Variants in CDH22 observed in about 807,000 individuals in gnomAD.
CDH22 encodes the protein cadherin 22, also known as cadherin-22.
Under a neutral mutation model 58.4 loss-of-function variants are expected in CDH22, and 30 were observed. The ratio of observed to expected loss-of-function variants is 0.51; its 90% CI spans 0.38 to 0.70. The LOEUF (loss-of-function observed/expected upper bound fraction) is 0.70, where lower values mean the gene tolerates loss of function less well. CDH22 is among the 30% of genes least tolerant of loss of function. The pLI, the probability that CDH22 is intolerant of heterozygous loss-of-function variation, is 0.00. For missense variants in CDH22, 1,014 were observed against 1,233.9 expected, an observed-to-expected ratio of 0.82 and a Z score of 2.67; for synonymous variants, 513 against 558.2, an observed-to-expected ratio of 0.92 and a Z score of 1.14.
At chr20:46,306,494 T>C (rs1239252455) in intron 1 of CDH22, among the ~76,000 whole-genome samples, 1 of 152,184 alleles carries the variant, frequency 6.6e-6, no homozygotes, top group Non-Finnish European at 1.5e-5. Context: ...CTTTATAAAG[T>C]ACCTGCCCCC....
intron 10 of CDH22, among the ~76,000 whole-genome samples, chr20:46,184,957 G>A (rs540169687): frequency 2.6e-4 from 39 of 152,106 alleles, no homozygotes; most frequent in Middle Eastern, 3.4e-3. Context: ...GTGGTGGTGC[G>A]TGCCTGTAAC....
In CDH22 at chr20:46,247,457, C is replaced by T. The variant is rs1025765414; in HGVS notation, c.255+3583G>A. The stretch of plus-strand genomic sequence containing the variant: ...TGGGTCTGTACTGAATGTGTACAGA[C>T]GTTTTTCTTGTCATTCTCCAAACAA... On this transcript the variant is annotated intron_variant, in intron 2 of 11. Transcript: ENST00000537909. Among the ~76,000 whole-genome samples the T allele has an allele frequency of 7.9e-5, 12 of 152,188 alleles. 1 individual carries two copies. The highest frequency in any genetic ancestry group is 6.2e-4 in the South Asian group (3 of 4,818).
At position 46,216,582 on chromosome 20, in the gene CDH22, G is replaced by A. The variant is rs184239200; in HGVS notation, c.838+244C>T. On this transcript the variant is annotated intron_variant, in intron 5 of 11. Transcript: ENST00000537909. The surrounding 1 kb of genome is among the most constrained non-coding windows in gnomAD (Gnocchi z 5.3). ...GAAGCAAGAGGAGGTCTGGGAAGGT[G>A]ATGGTGTGTTACTTGGCTCTGTGGA... Among the ~76,000 whole-genome samples, 26 of 152,260 alleles carry A rather than the reference G, an allele frequency of 1.7e-4. No homozygotes were observed. The highest frequency in any genetic ancestry group is 9.1e-4 in the Admixed American group (14 of 15,308).
chr20:46,222,474 T>C (rs1329639322), intron 4 of CDH22, among the ~76,000 whole-genome samples: 1 of 152,214 alleles, frequency 6.6e-6, no homozygotes, highest in Non-Finnish European at 1.5e-5. Context: ...AAATGTTAGT[T>C]TCATTCCCTC....
At chr20:46,285,853 G>A (rs137978156) in intron 1 of CDH22, among the ~76,000 whole-genome samples, 33 of 152,274 alleles carry the variant, frequency 2.2e-4, no homozygotes, top group African/African-American at 7.9e-4. Context: ...TACAATCTCT[G>A]CCCGTTTGGG....
chr20:46,285,144 G>A (rs935551928), intron 1 of CDH22, among the ~76,000 whole-genome samples: 21 of 152,244 alleles, frequency 1.4e-4, no homozygotes, highest in Admixed American at 9.2e-4. Flanking sequence ...GCCTTTGCAT[G>A]TGCCGTGACC....
intron 1 of CDH22, among the ~76,000 whole-genome samples, chr20:46,306,733 G>T (rs947480955): frequency 6.6e-6 from 1 of 152,188 alleles, no homozygotes; most frequent in Non-Finnish European, 1.5e-5. Flanking sequence ...GGGTTGGGGG[G>T]GACGAGGAAA....
rs570857334 is a variant in CDH22 at position 46,210,735 on chromosome 20, G to A, written c.1033-175C>T. Among the ~76,000 whole-genome samples, 57 of 152,266 alleles carry A rather than the reference G, an allele frequency of 3.7e-4. No homozygotes were observed. The highest frequency in any genetic ancestry group is 6.8e-3 in the Middle Eastern group (2 of 294). ...GACCCAGACCAACCCGGTGGGTTACGGGTGGAGAAACTGAGGATCCTCGAG... is the reference window on the plus strand; with the variant it reads ...GACCCAGACCAACCCGGTGGGTTACAGGTGGAGAAACTGAGGATCCTCGAG... On this transcript the variant is annotated intron_variant, in intron 6 of 11. Coordinates refer to ENST00000537909, the MANE Select transcript of CDH22 (RefSeq NM_021248.3). This position sits in a 1 kb window ranked among gnomAD's most constrained non-coding sequence, Gnocchi z 4.5.
At chr20:46,223,218 T>G (rs1007955793) in intron 4 of CDH22, among the ~76,000 whole-genome samples, 8 of 152,212 alleles carry the variant, frequency 5.3e-5, no homozygotes, top group African/African-American at 1.9e-4. Flanking sequence ...GTCACCATCT[T>G]CTGGGCCCTC....
In CDH22 at chr20:46,232,246, C is replaced by G. The variant is rs1434538872; in HGVS notation, c.551-4619G>C. On this transcript the variant is annotated intron_variant, in intron 3 of 11. Coordinates refer to ENST00000537909, the MANE Select transcript of CDH22 (RefSeq NM_021248.3). ...CAAGTTCCAGACCCCCCAGGAGGAG[C>G]CCCCCAGCTGGCTCTGGGAGTGGGT... 2.0e-5 allele frequency among the ~76,000 whole-genome samples: 3 copies of G among 152,210 alleles called. No homozygotes were observed. The East Asian group carries it at 5.8e-4, about 29-fold the overall frequency.
At chr20:46,198,193 T>A (rs2085922613) in intron 8 of CDH22, among the ~76,000 whole-genome samples, 1 of 151,258 alleles carries the variant, frequency 6.6e-6, no homozygotes, top group Non-Finnish European at 1.5e-5. Flanking sequence ...TGCTCTCAGC[T>A]CCTCACCTCC....
chr20:46,261,662 C>T (rs1190967320), intron 1 of CDH22, among the ~76,000 whole-genome samples: 1 of 152,188 alleles, frequency 6.6e-6, no homozygotes, highest in African/African-American at 2.4e-5. Context: ...CTCCTGTCTG[C>T]CCCCACTGAG....
chr20:46,192,913 A>G (rs1490470533), intron 8 of CDH22, among the ~76,000 whole-genome samples: 1 of 150,992 alleles, frequency 6.6e-6, no homozygotes, highest in Non-Finnish European at 1.5e-5. Flanking sequence ...CCCTGTCCCC[A>G]TGCCCCCCCC....
intron 4 of CDH22, among the ~76,000 whole-genome samples, chr20:46,224,024 T>C (rs139993924): frequency 0.011 from 1,610 of 152,120 alleles, 11 homozygotes; most frequent in Middle Eastern, 0.034. Flanking sequence ...CGGCTAATTT[T>C]TGTATTTTAG....
At chr20:46,194,153 T>C (rs1192561840) in intron 8 of CDH22, among the ~76,000 whole-genome samples, 1 of 152,188 alleles carries the variant, frequency 6.6e-6, no homozygotes, top group Non-Finnish European at 1.5e-5. Context: ...TGTCACTGAC[T>C]GTCAATGGGT....
chr20:46,186,828 G>C lies in CDH22; in HGVS notation c.1543C>G (p.Gln515Glu). Residue 515 changes from glutamine (Q) to glutamate (E), a missense_variant and splice_region_variant, in exon 9 of 12, where the codon CAG becomes GAG. Physicochemically the swap from Gln to Glu is conservative, Grantham distance 29. Around this residue, in one of 2 missense-constraint regions of CDH22, gnomAD observed 806 missense variants for 1,038.7 expected, o/e 0.78. Coordinates refer to ENST00000537909, the MANE Select transcript of CDH22 (RefSeq NM_021248.3). ...AGTCCCCACCCCCTCAGGGGTACCT[G>C]GCCTGGCTTGGCATCCTCGCATACA... is the stretch of plus-strand genomic sequence containing the variant. The part of the protein sequence containing the change: ...AAVCEDAKPG[Q>E]LIQTISVVDR... 1.2e-6 allele frequency: 2 copies of C among 1,601,858 alleles called. No individual in the cohort carries two copies. The highest frequency in any genetic ancestry group is 1.7e-6 in the Non-Finnish European group (2 of 1,173,312).
intron 4 of CDH22, among the ~76,000 whole-genome samples, chr20:46,221,723 G>A (rs968007046): frequency 6.6e-6 from 1 of 152,158 alleles, no homozygotes; most frequent in African/African-American, 2.4e-5. Context: ...TGCAGGGCGG[G>A]GAGGAATTGA....
chr20:46,176,369 A>G (rs2085738912), intron 11 of CDH22, among the ~76,000 whole-genome samples: 1 of 152,184 alleles, frequency 6.6e-6, no homozygotes, highest in African/African-American at 2.4e-5. Context: ...TCAAAGGTGA[A>G]ATACTAATCT....
Position 46,223,631 on chromosome 20 carries a change from T to C in CDH22, c.670+3877A>G, listed in dbSNP as rs1372475286. Among the ~76,000 whole-genome samples the C allele has an allele frequency of 8.8e-4, 127 of 144,998 alleles. 1 individual carries two copies. The highest frequency in any genetic ancestry group is 2.8e-3 in the African/African-American group (100 of 35,532). On this transcript the variant is annotated intron_variant, in intron 4 of 11. Transcript: ENST00000537909. ...TTCTTTCTTTTTCTTTCTTTCTTTT[T>C]TCTTTCTTTCTTTCTTTCTCTTTCT...
Sources: gnomAD v4.1 joint callset for allele counts (sites outside exome capture counted in the v4.1 genomes callset) on GRCh38, gnomAD v4.1.1 for gene constraint, gnomAD v4.1.1 regional missense constraint, Gnocchi (gnomAD v3.1) non-coding constraint, MANE v1.5 for transcripts, NCBI Gene and HGNC (gene_info 2026-07-23, HGNC 2026-07-21) for gene names.